The following SUGCT variants were observed in gnomAD, a reference collection of about 807,000 sequenced individuals.
SUGCT encodes succinyl-CoA:glutarate CoA-transferase.
A neutral mutation model predicts 55.0 loss-of-function variants in SUGCT; 41 were observed. That is an observed-to-expected ratio of 0.74 (90% confidence interval 0.58 to 0.97). The LOEUF is 0.97. SUGCT is among the 50% of genes least tolerant of loss of function. SUGCT has a pLI of 0.00. For synonymous variants in SUGCT, 187 were observed against 200.4 expected (o/e 0.93, Z 0.56); for missense variants, 568 against 547.8 (o/e 1.04, Z -0.37).
chr7:40,538,298 TA>T (rs1794480953), intron 12 of SUGCT: 1 of 152,196 alleles, frequency 6.6e-6, no homozygotes, highest in South Asian at 2.1e-4. Flanking sequence ...GAAACTATGT[TA>T]GAGAGCAGTT....
Position 40,259,232 on chromosome 7 carries a change from T to C in SUGCT, c.577-15281T>C, listed in dbSNP as rs573236886. Among the ~76,000 whole-genome samples the C allele has an allele frequency of 7.9e-5, 12 of 152,306 alleles. 1 individual carries two copies. The South Asian group carries it at 2.5e-3, about 32-fold the overall frequency. The stretch of plus-strand genomic sequence containing the variant: ...AGCTAGAAGGAATAAGTTCAAGAGA[T>C]CTATTGTACAACATAGTTAATATAC... On this transcript the variant is annotated intron_variant, in intron 7 of 13. Coordinates refer to ENST00000335693, the MANE Select transcript of SUGCT (RefSeq NM_001193313.2).
chr7:40,194,390 A>G (rs1395967983), intron 5 of SUGCT, among the ~76,000 whole-genome samples: 2 of 151,960 alleles, frequency 1.3e-5, no homozygotes, highest in Non-Finnish European at 2.9e-5. Context: ...CCTCCCGAGC[A>G]GCTGGGACCA....
intron 6 of SUGCT, among the ~76,000 whole-genome samples, chr7:40,211,388 A>G (rs557204414): frequency 1.3e-5 from 2 of 152,000 alleles, no homozygotes; most frequent in South Asian, 2.1e-4. Context: ...TAATTTTTGT[A>G]TTTTTTAGTA....
intron 12 of SUGCT, among the ~76,000 whole-genome samples, chr7:40,701,754 G>T (rs902797624): frequency 6.6e-6 from 1 of 152,158 alleles, no homozygotes; most frequent in African/African-American, 2.4e-5. Context: ...ATCCCCAATT[G>T]CTAAACTTCA....
chr7:40,717,939 C>T (rs1735655582), intron 12 of SUGCT, among the ~76,000 whole-genome samples: 1 of 151,982 alleles, frequency 6.6e-6, no homozygotes, highest in Admixed American at 6.6e-5. Context: ...CTTCTTTATT[C>T]ACATATTTTA....
intron 3 of SUGCT, among the ~76,000 whole-genome samples, chr7:40,183,714 TC>T (rs1785345928): frequency 6.6e-6 from 1 of 152,190 alleles, no homozygotes; most frequent in African/African-American, 2.4e-5. Context: ...TAAGCTTAGA[TC>T]AGTTTTTTGC....
intron 12 of SUGCT, among the ~76,000 whole-genome samples, chr7:40,651,743 T>G (rs926029276): frequency 6.6e-6 from 1 of 152,204 alleles, no homozygotes. Context: ...TTTTATCATC[T>G]GTAGCTCTCA....
At chr7:40,295,084 T>C (rs903393093) in intron 8 of SUGCT, among the ~76,000 whole-genome samples, 7 of 152,222 alleles carry the variant, frequency 4.6e-5, no homozygotes, top group African/African-American at 1.7e-4. Context: ...TATCTTTCAG[T>C]GTTTCTTCAT....
chr7:40,265,212 C>T (rs1791486473), intron 7 of SUGCT, among the ~76,000 whole-genome samples: 1 of 152,132 alleles, frequency 6.6e-6, no homozygotes, highest in Non-Finnish European at 1.5e-5. Flanking sequence ...GGGACACATA[C>T]ATTTAAGAAT....
At chr7:40,517,989 G>A (rs1406293263) in intron 12 of SUGCT, among the ~76,000 whole-genome samples, 2 of 152,160 alleles carry the variant, frequency 1.3e-5, no homozygotes. Flanking sequence ...TGATGCTTGA[G>A]AATGGAGGTA....
intron 1 of SUGCT, among the ~76,000 whole-genome samples, chr7:40,143,029 C>A (rs1326523888): frequency 6.6e-6 from 1 of 152,158 alleles, no homozygotes; most frequent in East Asian, 1.9e-4. Context: ...CTGTGGGACT[C>A]CAATTGCATT....
the SUGCT span, among the ~76,000 whole-genome samples, chr7:40,907,879 T>A: frequency 6.6e-6 from 1 of 152,222 alleles, no homozygotes; most frequent in Non-Finnish European, 1.5e-5. Context: ...TTTATTAATT[T>A]ATTTATCTTA....
At chr7:40,821,023 A>G (rs1033582676) in intron 13 of SUGCT, among the ~76,000 whole-genome samples, 8 of 152,138 alleles carry the variant, frequency 5.3e-5, no homozygotes, top group Admixed American at 2.0e-4. Flanking sequence ...TGAGATAATC[A>G]TGTGGTTTTT....
intron 12 of SUGCT, among the ~76,000 whole-genome samples, chr7:40,720,129 A>G (rs1038962657): frequency 6.6e-6 from 1 of 152,164 alleles, no homozygotes; most frequent in Non-Finnish European, 1.5e-5. Context: ...CCTAGATTCT[A>G]GTCCCCCCAC....
intron 13 of SUGCT, among the ~76,000 whole-genome samples, chr7:40,784,230 G>A (rs1022566575): frequency 1.3e-5 from 2 of 152,092 alleles, no homozygotes; most frequent in East Asian, 1.9e-4. Flanking sequence ...GGTGAGGGGG[G>A]TAGTGAGTTT....
chr7:40,972,491 C>T, the SUGCT span, among the ~76,000 whole-genome samples: 4 of 152,208 alleles, frequency 2.6e-5, no homozygotes, highest in Non-Finnish European at 5.9e-5. Context: ...CCAAGCCCCA[C>T]AGACCTGATT....
chr7:40,835,602 A>G (rs773366325), intron 13 of SUGCT, among the ~76,000 whole-genome samples: 21 of 152,208 alleles, frequency 1.4e-4, no homozygotes, highest in Non-Finnish European at 2.5e-4. Context: ...CACAGCAGGC[A>G]ATCTCCCAAG....
intron 9 of SUGCT, among the ~76,000 whole-genome samples, chr7:40,363,291 GT>G (rs1416937222): frequency 2.0e-5 from 3 of 151,888 alleles, no homozygotes; most frequent in Non-Finnish European, 2.9e-5. Flanking sequence ...TTTTTGAAGG[GT>G]TTTTTGTGTC....
intron 12 of SUGCT, 60 bp from the exon 13 acceptor site, chr7:40,749,374 T>G: frequency 7.4e-7 from 1 of 1,356,594 alleles, no homozygotes; most frequent in South Asian, 1.2e-5. Context: ...TGTCCATGCC[T>G]TGCAATTGAA....
Sources: gnomAD v4.1 joint callset for allele counts (sites outside exome capture counted in the v4.1 genomes callset) on GRCh38, gnomAD v4.1.1 for gene constraint, MANE v1.5 for transcripts, NCBI Gene and HGNC (gene_info 2026-07-23, HGNC 2026-07-21) for gene names.